Variants in PCDH15 observed in about 807,000 individuals in gnomAD.
The protein encoded by PCDH15 is protocadherin-15.
Under a neutral mutation model 178.5 loss-of-function variants are expected in PCDH15, and 129 were observed. The ratio of observed to expected loss-of-function variants is 0.72; its 90% CI spans 0.63 to 0.84. The LOEUF is 0.84. PCDH15 is among the 40% of genes least tolerant of loss of function. PCDH15 has a pLI of 0.00. For missense variants in PCDH15, 2,230 were observed against 2,099.9 expected, an observed-to-expected ratio of 1.06 and a Z score of -1.21; for synonymous variants, 800 against 732.0, an observed-to-expected ratio of 1.09 and a Z score of -1.50.
At chr10:54,755,162 C>T (rs1034436780) in intron 1 of PCDH15, among the ~76,000 whole-genome samples, 5 of 152,000 alleles carry the variant, frequency 3.3e-5, no homozygotes, top group Admixed American at 6.6e-5. Context: ...GAACTCCTGA[C>T]TTCAGGTGAT....
intron 2 of PCDH15, chr10:55,513,316 T>G (rs1840933602): frequency 6.6e-6 from 1 of 152,152 alleles, no homozygotes; most frequent in Non-Finnish European, 1.5e-5. Flanking sequence ...TGTACTCAGT[T>G]CTGCTAATAA....
At chr10:55,594,081 G>A (rs1842896282) in intron 2 of PCDH15, among the ~76,000 whole-genome samples, 1 of 151,804 alleles carries the variant, frequency 6.6e-6, no homozygotes, top group African/African-American at 2.4e-5. Context: ...CTCTATTCTT[G>A]TCAAATCCAT....
chr10:54,524,678 G>T (rs1280896969), intron 3 of PCDH15, among the ~76,000 whole-genome samples: 1 of 152,160 alleles, frequency 6.6e-6, no homozygotes, highest in Non-Finnish European at 1.5e-5. Flanking sequence ...CATAGATAAT[G>T]TGATCTGTTT....
At position 55,312,389 on chromosome 10, in the gene PCDH15, G is replaced by A. The variant is rs552682713; in HGVS notation, c.-156+7210C>T. Reference sequence around the variant, plus strand: ...TGCCTAAGAGATTCTAAAAGCTTAAGAAATGTGAGCAGCTGGAGGTCCATC... The same window carrying A: ...TGCCTAAGAGATTCTAAAAGCTTAAAAAATGTGAGCAGCTGGAGGTCCATC... On this transcript the variant is annotated intron_variant, in intron 1 of 5. Transcript: ENST00000458638. Among the ~76,000 whole-genome samples the A allele has an allele frequency of 2.0e-5, 3 of 152,252 alleles. No individual in the cohort carries two copies. The East Asian group carries it at 5.8e-4, about 29-fold the overall frequency.
intron 14 of PCDH15, among the ~76,000 whole-genome samples, chr10:54,133,351 CATCTGGTA>C: frequency 6.6e-6 from 1 of 152,246 alleles, no homozygotes; most frequent in South Asian, 2.1e-4. Context: ...ATTCTATAAA[CATCTGGTA>C]ATAAAAGCTG....
intron 20 of PCDH15, among the ~76,000 whole-genome samples, chr10:54,000,998 T>TCC (rs1564974125): frequency 6.6e-6 from 1 of 152,180 alleles, no homozygotes; most frequent in African/African-American, 2.4e-5. Context: ...AGCAGACATT[T>TCC]AGCAGAAACC....
intron 3 of PCDH15, among the ~76,000 whole-genome samples, chr10:54,519,136 CT>C (rs2082559840): frequency 6.6e-6 from 1 of 152,116 alleles, no homozygotes; most frequent in Non-Finnish European, 1.5e-5. Flanking sequence ...GAAGCATTCC[CT>C]TTGAAAACTG....
intron 2 of PCDH15, among the ~76,000 whole-genome samples, chr10:55,492,957 T>C (rs1420533206): frequency 6.6e-6 from 1 of 151,204 alleles, no homozygotes; most frequent in Non-Finnish European, 1.5e-5. Context: ...TATCAGTAGG[T>C]TTGAGGTGGC....
intron 3 of PCDH15, among the ~76,000 whole-genome samples, chr10:54,417,526 C>A (rs1236496929): frequency 6.6e-6 from 1 of 151,932 alleles, no homozygotes; most frequent in Non-Finnish European, 1.5e-5. Flanking sequence ...ATTTTCTTTT[C>A]AATGATATAG....
chr10:53,964,334 C>T lies in PCDH15; in HGVS notation c.2869-2442G>A, dbSNP rs180717637. ...AATGTTACCTGACCCATAATATGTACTCAAGGAGTATTTGAATAAATAATT... is the reference window on the plus strand; with the variant it reads ...AATGTTACCTGACCCATAATATGTATTCAAGGAGTATTTGAATAAATAATT... On this transcript the variant is annotated intron_variant, in intron 21 of 37. Coordinates refer to ENST00000644397, the MANE Select transcript of PCDH15 (RefSeq NM_001384140.1). 2.1e-3 allele frequency among the ~76,000 whole-genome samples: 318 copies of T among 148,054 alleles called. 2 individuals carry two copies. Among genetic ancestry groups the T allele is most frequent in the African/African-American group, 7.5e-3 (299 of 39,992 alleles).
chr10:55,247,466 T>C (rs1408411069), intron 1 of PCDH15, among the ~76,000 whole-genome samples: 2 of 152,150 alleles, frequency 1.3e-5, no homozygotes, highest in African/African-American at 4.8e-5. Flanking sequence ...TTTAAGAGAG[T>C]TATCCAGCAT....
chr10:55,168,092 CAAT>C (rs1027881270), intron 1 of PCDH15, among the ~76,000 whole-genome samples: 2 of 151,944 alleles, frequency 1.3e-5, no homozygotes, highest in Admixed American at 1.3e-4. Flanking sequence ...AATATAAAAA[CAAT>C]AAGCAGTGTA....
In PCDH15 at chr10:55,359,845, G is replaced by A. The variant is rs112385748; in HGVS notation, c.-155-193194C>T. 9.7e-3 allele frequency among the ~76,000 whole-genome samples: 1,455 copies of A among 150,490 alleles called. 21 individuals carry two copies. Among genetic ancestry groups the A allele is most frequent in the African/African-American group, 0.033 (1,365 of 40,896 alleles). ...AGATTCTGTCATTGGTGACAATCTA[G>A]ATGAACTTGTAGGGTTTTATGCTAA... On this transcript the variant is annotated intron_variant, in intron 2 of 5. Transcript: ENST00000613346.
intron 15 of PCDH15, among the ~76,000 whole-genome samples, chr10:54,101,205 A>G (rs1300117974): frequency 6.6e-6 from 1 of 152,168 alleles, no homozygotes; most frequent in Non-Finnish European, 1.5e-5. Context: ...CCGCCATGTG[A>G]GACATGCCTT....
chr10:54,399,023 A>G (rs1565175645), intron 3 of PCDH15, among the ~76,000 whole-genome samples: 1 of 152,138 alleles, frequency 6.6e-6, no homozygotes, highest in African/African-American at 2.4e-5. Context: ...TTTATTTTAT[A>G]CTGCAAATTA....
intron 8 of PCDH15, among the ~76,000 whole-genome samples, chr10:54,245,059 G>A (rs1027783500): frequency 2.0e-5 from 3 of 152,084 alleles, no homozygotes; most frequent in African/African-American, 7.2e-5. Flanking sequence ...CTCCTTGTTA[G>A]CAGGGACTGT....
At chr10:53,990,925 G>A (rs1001629010) in intron 21 of PCDH15, among the ~76,000 whole-genome samples, 1 of 152,130 alleles carries the variant, frequency 6.6e-6, no homozygotes, top group Non-Finnish European at 1.5e-5. Flanking sequence ...GGCGCCACCG[G>A]CCCTGGGCAG....
intron 3 of PCDH15, among the ~76,000 whole-genome samples, chr10:54,382,187 G>A (rs1949319534): frequency 6.6e-6 from 1 of 151,908 alleles, no homozygotes; most frequent in South Asian, 2.1e-4. Context: ...AGGTATTGAG[G>A]GCCATTTACC....
intron 26 of PCDH15, among the ~76,000 whole-genome samples, chr10:53,888,283 T>TATATATATATATAG: frequency 2.1e-5 from 1 of 47,444 alleles, no homozygotes; most frequent in Non-Finnish European, 3.1e-5. Flanking sequence ...ATTCCAACAC[T>TATATATATATATAG]ATATATACAT....
Sources: allele counts gnomAD v4.1 joint callset (sites outside exome capture counted in the v4.1 genomes callset), GRCh38; gene constraint gnomAD v4.1.1; transcripts MANE v1.5; gene names NCBI Gene and HGNC (gene_info 2026-07-23, HGNC 2026-07-21).